Variants in RFX4 observed in about 807,000 individuals in gnomAD.
The protein encoded by RFX4 is regulatory factor X4.
RFX4 carries 10 observed loss-of-function variants against 95.0 expected under a neutral mutation model. The ratio of observed to expected loss-of-function variants is 0.11; its 90% CI spans 0.06 to 0.18. The LOEUF (loss-of-function observed/expected upper bound fraction) is 0.18. Ranked by LOEUF, RFX4 falls within the 10% of genes least tolerant of loss-of-function variation. The pLI, the probability that RFX4 is intolerant of heterozygous loss-of-function variation, is 1.00. For synonymous variants in RFX4, 321 were observed against 340.7 expected (o/e 0.94, Z 0.64); for missense variants, 640 against 922.0 (o/e 0.69, Z 3.96).
chr12:106,669,872 G>GTGTGTGTGTC (rs2041249364), intron 4 of RFX4, among the ~76,000 whole-genome samples: 1 of 151,338 alleles, frequency 6.6e-6, no homozygotes, highest in African/African-American at 2.4e-5. Context: ...GTGTGTGTGT[G>GTGTGTGTGTC]TGTGTGTAGT....
chr12:106,623,281 C>T (rs1009176317), intron 2 of RFX4, among the ~76,000 whole-genome samples: 1 of 151,954 alleles, frequency 6.6e-6, no homozygotes, highest in Admixed American at 6.6e-5. Flanking sequence ...CCTTGGCCTC[C>T]CAAAGTGCTG....
At position 106,709,296 on chromosome 12, in the gene RFX4, T is replaced by C. The variant is rs760779189; in HGVS notation, c.834-34T>C. On this transcript the variant is annotated intron_variant, in intron 8 of 17. Coordinates refer to ENST00000392842, the MANE Select transcript of RFX4 (RefSeq NM_213594.3). Reference sequence around the variant, plus strand: ...CCTGTGGGAGGAGCTAAGCAACATGTGCAGCACTTAAAACTCATCGTTTCT... The same window carrying C: ...CCTGTGGGAGGAGCTAAGCAACATGCGCAGCACTTAAAACTCATCGTTTCT... 1.1e-5 allele frequency: 17 copies of C among 1,558,984 alleles called. No homozygotes were observed. The East Asian group carries it at 3.6e-4, about 33-fold the overall frequency.
chr12:106,682,108 A>G (rs767393065), intron 5 of RFX4, 54 bp downstream of exon 5: 78 of 1,564,794 alleles, frequency 5.0e-5, no homozygotes, highest in Non-Finnish European at 6.5e-5. Context: ...GGGCCTCGAG[A>G]CAGGCCACAC....
At chr12:106,706,128 G>A (rs2042082017) in intron 8 of RFX4, among the ~76,000 whole-genome samples, 1 of 152,238 alleles carries the variant, frequency 6.6e-6, no homozygotes, top group South Asian at 2.1e-4. Context: ...GGTGAAGAGG[G>A]AAGAGATGTT....
chr12:106,720,654 TG>T lies in RFX4; in HGVS notation c.1234-102del. The T allele has an allele frequency of 8.9e-7, 1 of 1,120,846 alleles. No homozygotes were observed. The highest frequency in any genetic ancestry group is 1.3e-6 in the Non-Finnish European group (1 of 744,068). 69.4% of individuals were successfully genotyped at this position (1,120,846 alleles called of 1,614,324 possible). Reference sequence around the variant, plus strand: ...CGCCCACCTTGGCCTCCCAAAGTGCTGGGATTACAGGCGTGAGCCACTTCAA... The same window carrying T: ...CGCCCACCTTGGCCTCCCAAAGTGCTGGATTACAGGCGTGAGCCACTTCAA... On this transcript the variant is annotated intron_variant, in intron 12 of 17. Transcript: ENST00000392842. The surrounding 1 kb of genome is among the most constrained non-coding windows in gnomAD (Gnocchi z 4.2).
chr12:106,585,828 C>G (rs1172903798), intron 1 of RFX4: 1 of 152,256 alleles, frequency 6.6e-6, no homozygotes, highest in Non-Finnish European at 1.5e-5. Flanking sequence ...AGCGGGGCCA[C>G]CGTCCCTTAC....
chr12:106,686,023 T>G (rs945644907), intron 5 of RFX4, among the ~76,000 whole-genome samples: 2 of 152,226 alleles, frequency 1.3e-5, no homozygotes, highest in Non-Finnish European at 2.9e-5. Context: ...TAATAAAAAG[T>G]TCTGGTCTTC....
intron 5 of RFX4, chr12:106,683,489 A>AAAC (rs2041571736): frequency 2.0e-5 from 3 of 148,156 alleles, no homozygotes; most frequent in South Asian, 4.4e-4. Flanking sequence ...AAAAAAAAAA[A>AAAC]AAAAAAACAA....
intron 17 of RFX4, among the ~76,000 whole-genome samples, chr12:106,754,452 G>T (rs542846020): frequency 6.6e-6 from 1 of 152,360 alleles, no homozygotes; most frequent in East Asian, 1.9e-4. Flanking sequence ...AGGAGACAGA[G>T]CATGCCTGCT....
intron 8 of RFX4, among the ~76,000 whole-genome samples, chr12:106,705,509 G>C (rs1448961961): frequency 6.6e-6 from 1 of 152,234 alleles, no homozygotes; most frequent in African/African-American, 2.4e-5. Flanking sequence ...ATGTCAAGAA[G>C]GCATAGATGC....
chr12:106,733,108 C>T (rs1565999116), intron 15 of RFX4, 23 bp downstream of exon 15: 1 of 1,612,010 alleles, frequency 6.2e-7, no homozygotes, highest in Non-Finnish European at 8.5e-7. Context: ...CCTTCAAAAA[C>T]TTTGGGTAGT....
chr12:106,680,796 T>G (rs1475308257), intron 4 of RFX4: 2 of 152,368 alleles, frequency 1.3e-5, no homozygotes, highest in East Asian at 3.9e-4. Context: ...ACTTACTAAC[T>G]GCCAGGCACT....
chr12:106,735,044 T>TAA (rs36013040), intron 15 of RFX4, among the ~76,000 whole-genome samples: 3 of 113,458 alleles, frequency 2.6e-5, no homozygotes, highest in Non-Finnish European at 3.7e-5. Context: ...ATAGCCTGTT[T>TAA]AAAAAAAAAA....
chr12:106,629,985 A>G (rs1177995756), intron 2 of RFX4, among the ~76,000 whole-genome samples: 1 of 152,206 alleles, frequency 6.6e-6, no homozygotes, highest in Non-Finnish European at 1.5e-5. Flanking sequence ...CAATCTGATA[A>G]GTAAGAAATG....
chr12:106,699,674 T>C (rs1408179963), intron 8 of RFX4, among the ~76,000 whole-genome samples: 1 of 152,206 alleles, frequency 6.6e-6, no homozygotes, highest in African/African-American at 2.4e-5. Flanking sequence ...TGTTCAGAAG[T>C]TTACTTTGTC....
rs757077623 is a variant in RFX4, at chr12:106,733,092, G to C, written c.1633+7G>C. The C allele has an allele frequency of 2.5e-6, 4 of 1,613,630 alleles. No homozygotes were observed. The East Asian group carries it at 8.9e-5, about 36-fold the overall frequency. On this transcript the variant is annotated splice_region_variant and intron_variant, in intron 15 of 17. Transcript: ENST00000392842. The stretch of plus-strand genomic sequence containing the variant: ...ACTGGCCTCAGCACTACAGGTAATG[G>C]AAAGTCCTTCAAAAACTTTGGGTAG...
chr12:106,686,950 A>G lies in RFX4; in HGVS notation c.444A>G (p.Lys148=). Residue 148 remains lysine, a synonymous_variant, in exon 6 of 18, where the codon AAA becomes AAG. Transcript: ENST00000392842. The part of the protein sequence containing the change: ...SQYYDVMYSK[K]GAAWVSETGK... ...ATTATGATGTGATGTATTCCAAGAA[A>G]GGAGCTGCCTGGGTGAGTGAGACGG... 1 of 1,613,942 alleles carries G rather than the reference A, an allele frequency of 6.2e-7. No homozygotes were observed. Among genetic ancestry groups the G allele is most frequent in the Non-Finnish European group, 8.5e-7 (1 of 1,179,994 alleles).
At chr12:106,663,133 G>T (rs2041108405) in intron 4 of RFX4, among the ~76,000 whole-genome samples, 1 of 152,024 alleles carries the variant, frequency 6.6e-6, no homozygotes, top group African/African-American at 2.4e-5. Context: ...TATTGAATCT[G>T]TTGATCAAGA....
At chr12:106,628,213 T>G (rs1017189565) in intron 2 of RFX4, among the ~76,000 whole-genome samples, 1 of 152,148 alleles carries the variant, frequency 6.6e-6, no homozygotes, top group African/African-American at 2.4e-5. Flanking sequence ...CCCACTCCTC[T>G]GGGGAAGAAG....
Sources: gnomAD v4.1 joint callset for allele counts (sites outside exome capture counted in the v4.1 genomes callset) on GRCh38, gnomAD v4.1.1 for gene constraint, Gnocchi (gnomAD v3.1) non-coding constraint, MANE v1.5 for transcripts, NCBI Gene and HGNC (gene_info 2026-07-23, HGNC 2026-07-21) for gene names.